The following GPAM variants were observed in gnomAD, a reference collection of about 807,000 sequenced individuals.
GPAM encodes the protein glycerol-3-phosphate acyltransferase, mitochondrial.
In GPAM, 56 loss-of-function variants were observed where a neutral mutation model predicts 105.0. The observed-to-expected ratio is 0.53, with a 90% CI of 0.43 to 0.67. The LOEUF (loss-of-function observed/expected upper bound fraction) is 0.67, where lower values mean the gene tolerates loss of function less well. Among genes scored for constraint, GPAM ranks in the 30% least tolerant of loss-of-function variants. The pLI, the probability that GPAM is intolerant of heterozygous loss-of-function variation, is 0.00. For synonymous variants in GPAM, 368 were observed against 354.4 expected, an observed-to-expected ratio of 1.04 and a Z score of -0.43; for missense variants, 855 against 989.8, an observed-to-expected ratio of 0.86 and a Z score of 1.83.
intron 1 of GPAM, among the ~76,000 whole-genome samples, chr10:112,194,757 C>A (rs1418263570): frequency 6.6e-6 from 1 of 152,176 alleles, no homozygotes; most frequent in African/African-American, 2.4e-5. Flanking sequence ...TCCGCTTTCA[C>A]AACCTTGTGC....
At chr10:112,156,151 A>T in intron 19 of GPAM, 98 bp from the exon 20 acceptor site, 1 of 793,136 alleles carries the variant, frequency 1.3e-6, no homozygotes, top group East Asian at 2.6e-5. Context: ...GTAACGTGAG[A>T]AGATGGCCAC....
intron 1 of GPAM, among the ~76,000 whole-genome samples, chr10:112,210,217 G>A (rs1426417440): frequency 6.6e-6 from 1 of 152,186 alleles, no homozygotes; most frequent in South Asian, 2.1e-4. Flanking sequence ...ACGAGCTGTT[G>A]GGGGTAATTG....
Position 112,175,688 on chromosome 10 carries a change from G to A in GPAM, c.325C>T (p.Leu109Phe), listed in dbSNP as rs1379192308. The A allele has an allele frequency of 1.2e-6, 2 of 1,612,478 alleles. No individual in the cohort carries two copies. Among genetic ancestry groups the A allele is most frequent in the Non-Finnish European group, 1.7e-6 (2 of 1,178,700 alleles). Residue 109 changes from leucine (L) to phenylalanine (F), a missense_variant, in exon 6 of 22, where the codon CTT (leucine) becomes TTT (phenylalanine). Physicochemically the swap from Leu to Phe is conservative, Grantham distance 22 (BLOSUM62 0). Coordinates refer to ENST00000348367, the MANE Select transcript of GPAM (RefSeq NM_001244949.2). ...TCTTGAATAAAAAGAACGTAAGAAA[G>A]GCGTCTTGCAAGCCATCCGCGGTGT... is the stretch of plus-strand genomic sequence containing the variant. ...TRHRGWLARRLSYVLFIQERD... is the reference protein window; with the variant it reads ...TRHRGWLARRFSYVLFIQERD...
intron 9 of GPAM, among the ~76,000 whole-genome samples, chr10:112,171,661 C>G (rs1847314933): frequency 6.6e-6 from 1 of 152,186 alleles, no homozygotes; most frequent in Admixed American, 6.5e-5. Flanking sequence ...CATACTATTT[C>G]CCCTGAATGG....
intron 4 of GPAM, among the ~76,000 whole-genome samples, chr10:112,180,043 A>T (rs1385726676): frequency 2.0e-5 from 3 of 152,364 alleles, no homozygotes; most frequent in Non-Finnish European, 2.9e-5. Context: ...CACAAAGTCA[A>T]CAGACACCTT....
intron 1 of GPAM, among the ~76,000 whole-genome samples, chr10:112,193,375 TA>T (rs1847685234): frequency 6.6e-6 from 1 of 152,206 alleles, no homozygotes; most frequent in African/African-American, 2.4e-5. Flanking sequence ...CCATGACTTT[TA>T]TCCTCTCTCT....
intron 8 of GPAM, among the ~76,000 whole-genome samples, 181 bp from the exon 9 acceptor site, chr10:112,172,499 G>A (rs1014499570): frequency 6.6e-6 from 1 of 152,164 alleles, no homozygotes; most frequent in Non-Finnish European, 1.5e-5. Flanking sequence ...AAGAAAAAGA[G>A]CAACTATAAC....
intron 1 of GPAM, among the ~76,000 whole-genome samples, chr10:112,212,770 GT>G (rs1321444161): frequency 6.6e-6 from 1 of 152,202 alleles, no homozygotes; most frequent in Middle Eastern, 3.2e-3. Flanking sequence ...ACACAGGGTG[GT>G]GGTAATCCCT....
chr10:112,151,754 A>C lies in GPAM; in HGVS notation c.*1796T>G. The C allele has an allele frequency of 3.0e-6, 3 of 985,134 alleles. No individual in the cohort carries two copies. Among genetic ancestry groups the C allele is most frequent in the Non-Finnish European group, 3.6e-6 (3 of 829,710 alleles). 61.0% of individuals were successfully genotyped at this position (985,134 alleles called of 1,614,324 possible). ...ACAATTTAAAGGATGAAAAAAAGAG[A>C]CTAGTGAAATGTTTGCTTCCCCAGA... On this transcript the variant is annotated 3_prime_UTR_variant, in exon 22 of 22. Coordinates refer to ENST00000348367, the MANE Select transcript of GPAM (RefSeq NM_001244949.2).
At chr10:112,201,424 T>C (rs1847795873) in intron 1 of GPAM, among the ~76,000 whole-genome samples, 1 of 152,198 alleles carries the variant, frequency 6.6e-6, no homozygotes, top group Admixed American at 6.5e-5. Context: ...CTACAAGCTC[T>C]CACATTGTTT....
chr10:112,195,373 T>C (rs2133287500), intron 1 of GPAM, among the ~76,000 whole-genome samples: 1 of 152,330 alleles, frequency 6.6e-6, no homozygotes, highest in Admixed American at 6.5e-5. Context: ...TCCGTCCACG[T>C]ACTCTTTCGC....
Position 112,151,177 on chromosome 10 carries a change from A to C in GPAM, c.*2373T>G, listed in dbSNP as rs773846869. Reference sequence around the variant, plus strand: ...AAGGGCATGCATTTCATGTTACAGAAATGCGATAGAGTAAACTGTAATAAA... The same window carrying C: ...AAGGGCATGCATTTCATGTTACAGACATGCGATAGAGTAAACTGTAATAAA... On this transcript the variant is annotated 3_prime_UTR_variant, in exon 22 of 22. Coordinates refer to ENST00000348367, the MANE Select transcript of GPAM (RefSeq NM_001244949.2). The C allele has an allele frequency of 5.3e-5, 52 of 983,926 alleles. No homozygotes were observed. The Admixed American group carries it at 1.3e-3, about 24-fold the overall frequency. The allele number at this position is 983,926 out of a possible 1,614,324, so 60.9% of individuals were successfully genotyped here.
chr10:112,206,676 G>A (rs1231064913), intron 1 of GPAM, among the ~76,000 whole-genome samples: 4 of 114,612 alleles, frequency 3.5e-5, no homozygotes, highest in Admixed American at 1.9e-4. Flanking sequence ...TGGTGGGGTC[G>A]GGGGAGGGGG....
At chr10:112,181,596 T>C in intron 3 of GPAM, 87 bp downstream of exon 3, 3 of 788,688 alleles carry the variant, frequency 3.8e-6, no homozygotes, top group Non-Finnish European at 6.9e-6. Flanking sequence ...TGTGATATTA[T>C]GTTGCTGCCA....
intron 14 of GPAM, 57 bp from the exon 15 acceptor site, chr10:112,161,794 T>C: frequency 7.8e-7 from 1 of 1,275,106 alleles, no homozygotes; most frequent in East Asian, 2.3e-5. Context: ...ATAGCTGAAC[T>C]TTTTTGAAAT....
chr10:112,209,283 G>A (rs754028793), intron 1 of GPAM, among the ~76,000 whole-genome samples: 1 of 151,954 alleles, frequency 6.6e-6, no homozygotes, highest in Non-Finnish European at 1.5e-5. Flanking sequence ...GAAGCCCCAG[G>A]GATACACAGT....
intron 1 of GPAM, among the ~76,000 whole-genome samples, chr10:112,194,806 T>G (rs1031856744): frequency 6.6e-6 from 1 of 152,202 alleles, no homozygotes; most frequent in African/African-American, 2.4e-5. Flanking sequence ...ATGTTTTCTC[T>G]TGGCATGTTT....
At chr10:112,225,466 C>T in the GPAM span, among the ~76,000 whole-genome samples, 1 of 152,248 alleles carries the variant, frequency 6.6e-6, no homozygotes, top group Non-Finnish European at 1.5e-5. Context: ...TTCCACAATG[C>T]CACCCTCCTA....
intron 1 of GPAM, among the ~76,000 whole-genome samples, chr10:112,196,428 T>A (rs1847725107): frequency 1.3e-5 from 2 of 152,180 alleles, no homozygotes; most frequent in African/African-American, 2.4e-5. Context: ...ATATAAAAGC[T>A]CAAATATTTT....
Sources: gnomAD v4.1 joint callset for allele counts (sites outside exome capture counted in the v4.1 genomes callset) on GRCh38, gnomAD v4.1.1 for gene constraint, MANE v1.5 for transcripts, NCBI Gene and HGNC (gene_info 2026-07-23, HGNC 2026-07-21) for gene names.